The following FNBP1 variants were observed in gnomAD, a reference collection of about 807,000 sequenced individuals.
FNBP1 encodes formin-binding protein 1.
In FNBP1, 26 loss-of-function variants were observed where a neutral mutation model predicts 90.6. The observed-to-expected ratio is 0.29, with a 90% CI of 0.21 to 0.40. The LOEUF (loss-of-function observed/expected upper bound fraction) is 0.40. Among genes scored for constraint, FNBP1 ranks in the 10% least tolerant of loss-of-function variants. The pLI is 1.00. For missense variants in FNBP1, 635 were observed against 768.0 expected, an observed-to-expected ratio of 0.83 and a Z score of 2.05; for synonymous variants, 260 against 265.2, an observed-to-expected ratio of 0.98 and a Z score of 0.19.
intron 1 of FNBP1, among the ~76,000 whole-genome samples, chr9:130,029,559 T>C (rs2058630162): frequency 6.6e-6 from 1 of 152,184 alleles, no homozygotes; most frequent in Non-Finnish European, 1.5e-5. Context: ...AGTAGAATAT[T>C]GCTAGATTTT....
intron 2 of FNBP1, among the ~76,000 whole-genome samples, chr9:129,991,906 G>A (rs529135318): frequency 1.2e-4 from 18 of 152,254 alleles, no homozygotes; most frequent in African/African-American, 3.4e-4. Context: ...TGATCCGCCC[G>A]CCTCAGCCTC....
chr9:129,923,566 A>T (rs145002464), intron 10 of FNBP1, among the ~76,000 whole-genome samples: 1 of 150,016 alleles, frequency 6.7e-6, no homozygotes, highest in Non-Finnish European at 1.5e-5. Context: ...TGACAGAGCG[A>T]GACTCTGTCT....
At chr9:130,032,391 G>A (rs1001542996) in intron 1 of FNBP1, among the ~76,000 whole-genome samples, 10 of 152,074 alleles carry the variant, frequency 6.6e-5, no homozygotes, top group Non-Finnish European at 1.5e-4. Flanking sequence ...GGCTGGTCTT[G>A]AACGCCTGAG....
rs374034686 is a variant in FNBP1, at chr9:129,957,495, A to G, written c.409-31T>C. The G allele has an allele frequency of 3.6e-5, 53 of 1,459,020 alleles. No homozygotes were observed. Among genetic ancestry groups the G allele is most frequent in the South Asian group, 9.2e-5 (8 of 87,212 alleles). The allele number at this position is 1,459,020 out of a possible 1,614,324, so 90.4% of individuals were successfully genotyped here. A position where few individuals can be genotyped will look rare whatever the true frequency, so the allele number is the denominator to read the frequency against. On this transcript the variant is annotated intron_variant, in intron 5 of 16. Transcript: ENST00000446176. This position sits in a 1 kb window ranked among gnomAD's most constrained non-coding sequence, Gnocchi z 4.3. ...ATCAGAGGAAAATAATTATGAAACC[A>G]TAAGAGTCCTACGAGAAGATGTAAT...
chr9:129,974,909 G>T lies in FNBP1; in HGVS notation c.345+3556C>A, dbSNP rs528132064. ...AAGGAAAAAGAAAAAAAATGCTCAT[G>T]AAGCATTATATTAAAATAGTACAAA... On this transcript the variant is annotated intron_variant, in intron 4 of 16. Transcript: ENST00000446176. Among the ~76,000 whole-genome samples, 4 of 151,800 alleles carry T rather than the reference G, an allele frequency of 2.6e-5. No individual in the cohort carries two copies. In the South Asian group the frequency reaches 8.3e-4, roughly 32 times the overall value.
intron 2 of FNBP1, among the ~76,000 whole-genome samples, chr9:129,989,006 T>C (rs916207852): frequency 6.6e-6 from 1 of 152,214 alleles, no homozygotes; most frequent in Non-Finnish European, 1.5e-5. Flanking sequence ...CTGTTGAATA[T>C]TCTGTAGCCA....
intron 1 of FNBP1, among the ~76,000 whole-genome samples, chr9:130,000,627 T>C (rs1589176827): frequency 1.3e-5 from 2 of 152,324 alleles, no homozygotes; most frequent in South Asian, 4.2e-4. Context: ...ACCAATCTCA[T>C]CTTTTCTGAT....
intron 10 of FNBP1, among the ~76,000 whole-genome samples, chr9:129,917,744 G>A (rs754574212): frequency 6.6e-6 from 1 of 152,108 alleles, no homozygotes; most frequent in Non-Finnish European, 1.5e-5. Context: ...GATTTTAAAG[G>A]AAAGAACCAG....
chr9:130,002,165 G>A (rs191894300), intron 1 of FNBP1, among the ~76,000 whole-genome samples: 2 of 152,004 alleles, frequency 1.3e-5, no homozygotes, highest in East Asian at 3.9e-4. Context: ...CTCCAGCCTA[G>A]GCAACAAAGC....
chr9:130,036,708 C>G (rs1342369834), intron 1 of FNBP1, among the ~76,000 whole-genome samples: 1 of 152,166 alleles, frequency 6.6e-6, no homozygotes, highest in Non-Finnish European at 1.5e-5. Flanking sequence ...CCCTGTTGGT[C>G]TTGCCATGTT....
At chr9:129,965,706 G>GCTCACACA (rs1199029888) in intron 4 of FNBP1, among the ~76,000 whole-genome samples, 3 of 110,870 alleles carry the variant, frequency 2.7e-5, no homozygotes, top group African/African-American at 9.9e-5. Flanking sequence ...ACGCGCGCGC[G>GCTCACACA]CGCACACACA....
At chr9:129,979,065 C>T (rs2050786810) in intron 3 of FNBP1, among the ~76,000 whole-genome samples, 1 of 152,170 alleles carries the variant, frequency 6.6e-6, no homozygotes, top group Non-Finnish European at 1.5e-5. Context: ...ATGCAGATTC[C>T]ATACTTCCTG....
At chr9:129,977,484 A>ATTTTTTTTTTTTTT in intron 4 of FNBP1, among the ~76,000 whole-genome samples, 1 of 139,262 alleles carries the variant, frequency 7.2e-6, no homozygotes, top group Non-Finnish European at 1.6e-5. Context: ...ACAAGCACTA[A>ATTTTTTTTTTTTTT]TTTTTTTTTT....
chr9:130,033,034 C>T (rs1401166008), intron 1 of FNBP1, among the ~76,000 whole-genome samples: 1 of 152,124 alleles, frequency 6.6e-6, no homozygotes, highest in Non-Finnish European at 1.5e-5. Context: ...GAAAATAGCT[C>T]ATTTTTCATG....
At chr9:129,931,941 G>A (rs1050165413) in intron 6 of FNBP1, among the ~76,000 whole-genome samples, 5 of 151,984 alleles carry the variant, frequency 3.3e-5, no homozygotes, top group African/African-American at 4.8e-5. Context: ...GGCCAGGTGC[G>A]GTGCCTCACG....
rs1302348646 is a variant in FNBP1 at position 129,889,505 on chromosome 9, G to A, written c.*1034C>T. 2 of 190,330 alleles carry A rather than the reference G, an allele frequency of 1.1e-5. No individual in the cohort carries two copies. The highest frequency in any genetic ancestry group is 4.7e-5 in the African/African-American group (2 of 42,620). 11.8% of individuals were successfully genotyped at this position (190,330 alleles called of 1,614,324 possible). A position where few individuals can be genotyped will look rare whatever the true frequency, so the allele number is the denominator to read the frequency against. On this transcript the variant is annotated 3_prime_UTR_variant, in exon 17 of 17. Coordinates refer to ENST00000446176, the MANE Select transcript of FNBP1 (RefSeq NM_015033.3). ...GAATCGCTGGAACCCAGGAGGTGGA[G>A]GTTGTAGTGAGCCGAGATCATGCCA...
At chr9:129,998,656 C>A (rs2054374344) in intron 1 of FNBP1, among the ~76,000 whole-genome samples, 1 of 152,190 alleles carries the variant, frequency 6.6e-6, no homozygotes, top group Non-Finnish European at 1.5e-5. Context: ...GGCCTATTAA[C>A]AACCTGACTA....
chr9:130,025,050 C>T (rs1477563266), intron 1 of FNBP1, among the ~76,000 whole-genome samples: 1 of 151,978 alleles, frequency 6.6e-6, no homozygotes, highest in Non-Finnish European at 1.5e-5. Context: ...CGTGGTGGTG[C>T]ACACCTGTAA....
chr9:129,929,794 G>T, intron 6 of FNBP1, 99 bp from the exon 7 acceptor site: 1 of 1,132,530 alleles, frequency 8.8e-7, no homozygotes, highest in Non-Finnish European at 1.3e-6. Context: ...GGATGCCTAG[G>T]GGCCAGATTT....
Sources: allele counts gnomAD v4.1 joint callset (sites outside exome capture counted in the v4.1 genomes callset), GRCh38; gene constraint gnomAD v4.1.1; non-coding constraint Gnocchi (gnomAD v3.1); transcripts MANE v1.5; gene names NCBI Gene and HGNC (gene_info 2026-07-23, HGNC 2026-07-21).